The following CSMD1 variants were observed in gnomAD, a reference collection of about 807,000 sequenced individuals.
CSMD1 encodes the protein CUB and sushi domain-containing protein 1.
In CSMD1, 213 loss-of-function variants were observed where a neutral mutation model predicts 417.5. The observed-to-expected ratio is 0.51, with a 90% CI of 0.46 to 0.57. The LOEUF (loss-of-function observed/expected upper bound fraction) is 0.57, where lower values mean the gene tolerates loss of function less well. Among genes scored for constraint, CSMD1 ranks in the 20% least tolerant of loss-of-function variants. The pLI is 0.00. For missense variants in CSMD1, 6,923 were observed against 4,529.7 expected (o/e 1.53, Z -15.17); for synonymous variants, 2,862 against 1,736.8 (o/e 1.65, Z -16.11).
At chr8:3,480,225 G>C (rs1373356029) in intron 11 of CSMD1, among the ~76,000 whole-genome samples, 2 of 152,232 alleles carry the variant, frequency 1.3e-5, no homozygotes, top group African/African-American at 2.4e-5. Flanking sequence ...AGCTGGGTGT[G>C]GTGGCACACA....
chr8:3,366,188 T>C (rs1376526956), intron 20 of CSMD1, among the ~76,000 whole-genome samples: 1 of 152,198 alleles, frequency 6.6e-6, no homozygotes, highest in Non-Finnish European at 1.5e-5. Flanking sequence ...CAAGTTAATA[T>C]GATTGTTCCC....
chr8:4,614,979 G>A (rs1563336212), intron 2 of CSMD1, among the ~76,000 whole-genome samples: 1 of 152,074 alleles, frequency 6.6e-6, no homozygotes, highest in Non-Finnish European at 1.5e-5. Flanking sequence ...CGTATTTGTA[G>A]TACAAAGTAA....
intron 5 of CSMD1, among the ~76,000 whole-genome samples, chr8:3,802,143 C>A (rs1585021245): frequency 6.6e-6 from 1 of 152,060 alleles, no homozygotes; most frequent in Non-Finnish European, 1.5e-5. Context: ...TCCTCAGATA[C>A]TGCAGCATTC....
In CSMD1 at chr8:4,608,644, T is replaced by A. The variant is rs910219877; in HGVS notation, c.302+28698A>T. On this transcript the variant is annotated intron_variant, in intron 2 of 69. Transcript: ENST00000635120. ...GCTAGCAATGCCCGCCATACATTTT[T>A]AATCACCGTTTATTAAGCAATGTCC... Among the ~76,000 whole-genome samples the A allele has an allele frequency of 2.6e-5, 4 of 152,336 alleles. No homozygotes were observed. The South Asian group carries it at 8.3e-4, about 32-fold the overall frequency.
chr8:3,833,119 G>C (rs1390872114), intron 5 of CSMD1, among the ~76,000 whole-genome samples: 1 of 152,052 alleles, frequency 6.6e-6, no homozygotes, highest in Non-Finnish European at 1.5e-5. Flanking sequence ...CCCACTACAG[G>C]GAGCATGTCA....
At chr8:4,109,783 A>T (rs1045935549) in intron 3 of CSMD1, among the ~76,000 whole-genome samples, 1 of 152,204 alleles carries the variant, frequency 6.6e-6, no homozygotes, top group Admixed American at 6.5e-5. Flanking sequence ...TTCTGTGGTC[A>T]TTGACTGAGA....
chr8:4,462,188 G>T (rs1051084489), intron 2 of CSMD1, among the ~76,000 whole-genome samples: 3 of 152,054 alleles, frequency 2.0e-5, no homozygotes, highest in African/African-American at 4.8e-5. Context: ...AAAAGCAATT[G>T]TATTTATCCA....
chr8:4,217,681 A>G (rs917014716), intron 3 of CSMD1, among the ~76,000 whole-genome samples: 1 of 151,956 alleles, frequency 6.6e-6, no homozygotes. Flanking sequence ...ATTAGGAGCT[A>G]ATTTTGTTGT....
At chr8:4,676,768 A>C (rs969499696) in intron 1 of CSMD1, among the ~76,000 whole-genome samples, 15 of 151,884 alleles carry the variant, frequency 9.9e-5, no homozygotes, top group Non-Finnish European at 1.5e-5. Context: ...TAGCCCACCA[A>C]AGCTTTTCTT....
chr8:4,725,909 G>T (rs903883999), intron 1 of CSMD1, among the ~76,000 whole-genome samples: 2 of 152,032 alleles, frequency 1.3e-5, no homozygotes, highest in African/African-American at 4.8e-5. Context: ...CACATTCCAG[G>T]GGGGGTTACT....
chr8:3,088,142 A>G (rs966119991), intron 48 of CSMD1, among the ~76,000 whole-genome samples: 1 of 152,202 alleles, frequency 6.6e-6, no homozygotes, highest in Non-Finnish European at 1.5e-5. Flanking sequence ...ACATTTTAAA[A>G]CTAGAGATGG....
chr8:3,515,848 G>C (rs1014521975), intron 10 of CSMD1, among the ~76,000 whole-genome samples: 1 of 152,178 alleles, frequency 6.6e-6, no homozygotes, highest in African/African-American at 2.4e-5. Flanking sequence ...AAAGAAAACT[G>C]GACTTCAGCG....
At chr8:3,489,383 C>A (rs1055710986) in intron 11 of CSMD1, among the ~76,000 whole-genome samples, 3 of 152,150 alleles carry the variant, frequency 2.0e-5, no homozygotes, top group Non-Finnish European at 4.4e-5. Context: ...AAAACTGTAA[C>A]CTGTGCCTGC....
At chr8:4,302,595 A>T (rs1451429296) in intron 3 of CSMD1, among the ~76,000 whole-genome samples, 1 of 152,176 alleles carries the variant, frequency 6.6e-6, no homozygotes. Context: ...AATGCACCGT[A>T]AGGGGATTCT....
chr8:4,164,703 G>A (rs1379417226), intron 3 of CSMD1, among the ~76,000 whole-genome samples: 3 of 151,972 alleles, frequency 2.0e-5, no homozygotes, highest in Non-Finnish European at 4.4e-5. Context: ...TTGCTGAGGT[G>A]GAGGAAAGAT....
chr8:3,487,660 A>G (rs1287326498), intron 11 of CSMD1, among the ~76,000 whole-genome samples: 1 of 152,214 alleles, frequency 6.6e-6, no homozygotes, highest in Admixed American at 6.5e-5. Flanking sequence ...TGGAATTGCC[A>G]GATAGAATTT....
intron 1 of CSMD1, among the ~76,000 whole-genome samples, chr8:4,915,552 G>C (rs570954750): frequency 6.6e-6 from 1 of 152,168 alleles, no homozygotes; most frequent in Non-Finnish European, 1.5e-5. Flanking sequence ...AGGTGTCATG[G>C]ACCTGCGTCT....
intron 6 of CSMD1, among the ~76,000 whole-genome samples, chr8:3,736,426 G>A (rs554237869): frequency 6.6e-6 from 1 of 151,690 alleles, no homozygotes; most frequent in Non-Finnish European, 1.5e-5. Flanking sequence ...AAAAAAAAAT[G>A]TAGCAATGTG....
chr8:4,046,908 G>A (rs755415858), intron 3 of CSMD1, among the ~76,000 whole-genome samples: 1 of 152,116 alleles, frequency 6.6e-6, no homozygotes, highest in African/African-American at 2.4e-5. Flanking sequence ...AAAATGGGCA[G>A]AGAGAGGCTT....
Sources: allele counts gnomAD v4.1 joint callset (sites outside exome capture counted in the v4.1 genomes callset), GRCh38; gene constraint gnomAD v4.1.1; transcripts MANE v1.5; gene names NCBI Gene and HGNC (gene_info 2026-07-23, HGNC 2026-07-21).